The following SLC9C2 variants were observed in gnomAD, a reference collection of about 807,000 sequenced individuals.
The protein encoded by SLC9C2 is sodium/hydrogen exchanger 11.
In SLC9C2, 75 loss-of-function variants were observed where a neutral mutation model predicts 140.2. The ratio of observed to expected loss-of-function variants is 0.53; its 90% CI spans 0.44 to 0.65. The LOEUF (loss-of-function observed/expected upper bound fraction) is 0.65. Ranked by LOEUF, SLC9C2 falls within the 30% of genes least tolerant of loss-of-function variation. The probability of loss-of-function intolerance (pLI) is 0.00; values close to 1 mark genes in which losing one functional copy is unlikely to be tolerated. For synonymous variants in SLC9C2, 375 were observed against 420.9 expected, an observed-to-expected ratio of 0.89 and a Z score of 1.34; for missense variants, 1,074 against 1,331.8, an observed-to-expected ratio of 0.81 and a Z score of 3.01.
chr1:173,594,752 T>C (rs1161282949), intron 4 of SLC9C2, among the ~76,000 whole-genome samples: 2 of 152,232 alleles, frequency 1.3e-5, no homozygotes, highest in South Asian at 2.1e-4. Flanking sequence ...AGCTTTAGAC[T>C]TGTTAAATCA....
chr1:173,578,816 T>G (rs1187380779), intron 7 of SLC9C2, among the ~76,000 whole-genome samples: 1 of 152,208 alleles, frequency 6.6e-6, no homozygotes, highest in Non-Finnish European at 1.5e-5. Context: ...TTCCCCTTTT[T>G]ATAAGGATAC....
intron 14 of SLC9C2, 21 bp downstream of exon 14, chr1:173,536,921 T>C (rs1662004115): frequency 6.5e-7 from 1 of 1,545,876 alleles, no homozygotes; most frequent in Non-Finnish European, 8.9e-7. Flanking sequence ...GAAATATCAA[T>C]TAAAGAAGTG....
At chr1:173,557,251 G>A (rs1188380806) in intron 10 of SLC9C2, 89 bp downstream of exon 10, 2 of 1,244,514 alleles carry the variant, frequency 1.6e-6, no homozygotes, top group Non-Finnish European at 2.3e-6. Flanking sequence ...ATTCAAAGCT[G>A]GTTAACTTTA....
chr1:173,535,840 T>A lies in SLC9C2; in HGVS notation c.1765A>T (p.Ile589Phe). The change falls in exon 15 of 28, where the codon ATT becomes TTT. Residue 589 changes from isoleucine (I) to phenylalanine (F), a missense_variant. By Grantham distance (21) the Ile-to-Phe change is conservative. Coordinates refer to ENST00000367714, the MANE Select transcript of SLC9C2 (RefSeq NM_178527.4). ...GTTCACAATACTTACTCAGGTGGAA[T>A]AAAATGTATCTTTTCTATACAATAT... is the stretch of plus-strand genomic sequence containing the variant. ...LEYCIEKIHF[I>F]PPESNTFLTF... The A allele has an allele frequency of 6.6e-7, 1 of 1,510,998 alleles. No homozygotes were observed. The highest frequency in any genetic ancestry group is 8.9e-7 in the Non-Finnish European group (1 of 1,120,426). The allele number at this position is 1,510,998 out of a possible 1,614,324, so 93.6% of individuals were successfully genotyped here.
At chr1:173,585,222 C>T (rs899454506) in intron 5 of SLC9C2, among the ~76,000 whole-genome samples, 1 of 152,048 alleles carries the variant, frequency 6.6e-6, no homozygotes, top group Non-Finnish European at 1.5e-5. Flanking sequence ...TACATATGAA[C>T]GTCTACTACA....
At position 173,505,322 on chromosome 1, in the gene SLC9C2, T is replaced by C; in HGVS notation, c.3235A>G (p.Thr1079Ala). 2.5e-6 allele frequency: 4 copies of C among 1,613,996 alleles called. No individual in the cohort carries two copies. The highest frequency in any genetic ancestry group is 1.3e-5 in the African/African-American group (1 of 75,056). Reference sequence around the variant, plus strand: ...ATCAGCAGCTTGCTTAAATCAGAAGTTCCCTGAACCTAGAGGAGAAAAGTC... The same window carrying C: ...ATCAGCAGCTTGCTTAAATCAGAAGCTCCCTGAACCTAGAGGAGAAAAGTC... Reference protein sequence around the residue: ...IPTTCEQVQGTSDLSKLLIIQ... With the variant: ...IPTTCEQVQGASDLSKLLIIQ... Residue 1079 changes from threonine to alanine, a missense_variant, in exon 26 of 28, where the codon ACT (threonine) becomes GCT (alanine). Transcript: ENST00000367714.
chr1:173,511,649 T>C lies in SLC9C2; in HGVS notation c.2908-1950A>G, dbSNP rs576211603. On this transcript the variant is annotated intron_variant, in intron 23 of 27. Coordinates refer to ENST00000367714, the MANE Select transcript of SLC9C2 (RefSeq NM_178527.4). ...ATAGTTTCTTTTGCTGTGCAGAAGC[T>C]CTTTAATTAGATCTCATTTGTCAAT... Among the ~76,000 whole-genome samples the C allele has an allele frequency of 7.2e-5, 11 of 152,250 alleles. No homozygotes were observed. In the South Asian group the frequency reaches 2.3e-3, roughly 32 times the overall value.
intron 11 of SLC9C2, among the ~76,000 whole-genome samples, chr1:173,552,096 T>A (rs973382510): frequency 6.6e-6 from 1 of 152,180 alleles, no homozygotes; most frequent in Non-Finnish European, 1.5e-5. Context: ...ACCAACACAA[T>A]ATTCCCTTTA....
At position 173,538,204 on chromosome 1, in the gene SLC9C2, G is replaced by T. The variant is rs527567654; in HGVS notation, c.1558-1165C>A. Among the ~76,000 whole-genome samples, 17 of 152,274 alleles carry T rather than the reference G, an allele frequency of 1.1e-4. No homozygotes were observed. In the South Asian group the frequency reaches 2.5e-3, roughly 22 times the overall value. ...AATGGCCAGGCTCTCTCTACTCTGA[G>T]GGCTACTGGAGCACTTAGTGGATTT... On this transcript the variant is annotated intron_variant, in intron 13 of 27. Transcript: ENST00000367714.
rs746784690 is a variant in SLC9C2 at position 173,524,770 on chromosome 1, C to A, written c.2514+9G>T. The A allele has an allele frequency of 3.1e-6, 5 of 1,612,940 alleles. No individual in the cohort carries two copies. In the East Asian group the frequency reaches 8.9e-5, roughly 29 times the overall value. On this transcript the variant is annotated intron_variant, in intron 20 of 27. Coordinates refer to ENST00000367714, the MANE Select transcript of SLC9C2 (RefSeq NM_178527.4). ...GGGGTGTTATGCGGACAGAATCAAG[C>A]AAAATTACCTTATTTATCTCAATGA... is the stretch of plus-strand genomic sequence containing the variant.
intron 9 of SLC9C2, among the ~76,000 whole-genome samples, chr1:173,558,757 A>G (rs1379100861): frequency 6.6e-6 from 1 of 152,180 alleles, no homozygotes; most frequent in African/African-American, 2.4e-5. Flanking sequence ...GTGTATTCCC[A>G]TTTCTCTATC....
chr1:173,547,886 A>G (rs1046165821), intron 12 of SLC9C2, 102 bp from the exon 13 acceptor site: 4 of 814,242 alleles, frequency 4.9e-6, no homozygotes, highest in Middle Eastern at 2.6e-4. Context: ...AAAGATTCCA[A>G]TAATTCAAAG....
At chr1:173,581,499 C>T (rs959758279) in intron 7 of SLC9C2, among the ~76,000 whole-genome samples, 1 of 152,102 alleles carries the variant, frequency 6.6e-6, no homozygotes, top group Non-Finnish European at 1.5e-5. Context: ...CTCTCCTAGC[C>T]TTCTCAGTTT....
intron 9 of SLC9C2, among the ~76,000 whole-genome samples, chr1:173,566,968 T>C (rs529492987): frequency 1.3e-5 from 2 of 152,240 alleles, no homozygotes; most frequent in Non-Finnish European, 2.9e-5. Context: ...TTGTTTAATT[T>C]ACCTGTGTTG....
chr1:173,509,340 G>A (rs527824576), intron 24 of SLC9C2, among the ~76,000 whole-genome samples: 402 of 151,920 alleles, frequency 2.6e-3, no homozygotes, highest in Non-Finnish European at 4.6e-3. Flanking sequence ...AGTTACTTGG[G>A]AGGCTGAGGC....
chr1:173,547,433 T>A (rs1571528770), intron 13 of SLC9C2, among the ~76,000 whole-genome samples: 2 of 150,712 alleles, frequency 1.3e-5, no homozygotes, highest in East Asian at 3.9e-4. Context: ...CACCAAACAT[T>A]ATTCTAAGGG....
chr1:173,530,052 T>C lies in SLC9C2; in HGVS notation c.2166A>G (p.Ile722Met). Residue 722 changes from isoleucine to methionine, a missense_variant and splice_region_variant, in exon 18 of 28, where the codon ATA becomes ATG. Transcript: ENST00000367714. ...CAATTCTTATCAGTATTGGTACTATTATCTGGAATAATGAGAAGAAGAAAA... is the reference window on the plus strand; with the variant it reads ...CAATTCTTATCAGTATTGGTACTATCATCTGGAATAATGAGAAGAAGAAAA... ...RIIRFLPLFK[I>M]IVPILIRIAD... 1.3e-6 allele frequency: 2 copies of C among 1,584,188 alleles called. No homozygotes were observed. Among genetic ancestry groups the C allele is most frequent in the Non-Finnish European group, 8.5e-7 (1 of 1,172,178 alleles).
chr1:173,522,292 G>A (rs7516544), intron 21 of SLC9C2, among the ~76,000 whole-genome samples: 46,744 of 151,868 alleles, frequency 0.31, 9,833 homozygotes, highest in African/African-American at 0.6. Context: ...ACAGCAGACA[G>A]GACAGCTAAG....
chr1:173,594,716 T>C (rs2102263828), intron 4 of SLC9C2, among the ~76,000 whole-genome samples: 1 of 152,300 alleles, frequency 6.6e-6, no homozygotes, highest in Admixed American at 6.5e-5. Flanking sequence ...AGTTCCTGCC[T>C]TATTTGGAGG....
Sources: gnomAD v4.1 joint callset for allele counts (sites outside exome capture counted in the v4.1 genomes callset) on GRCh38, gnomAD v4.1.1 for gene constraint, MANE v1.5 for transcripts, NCBI Gene and HGNC (gene_info 2026-07-23, HGNC 2026-07-21) for gene names.